The following TAFA1 variants were observed in gnomAD, a reference collection of about 807,000 sequenced individuals.
TAFA1 encodes TAFA chemokine like family member 1.
In TAFA1, 4 loss-of-function variants were observed where a neutral mutation model predicts 18.5. The observed-to-expected ratio is 0.22, with a 90% CI of 0.11 to 0.49. The LOEUF (loss-of-function observed/expected upper bound fraction) is 0.49. TAFA1 is among the 20% of genes least tolerant of loss of function. The probability of loss-of-function intolerance (pLI) is 0.98; values close to 1 mark genes in which losing one functional copy is unlikely to be tolerated. For missense variants in TAFA1, 147 were observed against 169.0 expected (o/e 0.87, Z 0.72); for synonymous variants, 56 against 55.2 (o/e 1.01, Z -0.06).
intron 2 of TAFA1, among the ~76,000 whole-genome samples, chr3:68,281,033 G>A (rs2067889032): frequency 6.6e-6 from 1 of 152,048 alleles, no homozygotes; most frequent in African/African-American, 2.4e-5. Context: ...ATGATGGTAT[G>A]CAACTTATTT....
chr3:68,382,013 CCTTT>C (rs953993661), intron 2 of TAFA1, among the ~76,000 whole-genome samples: 1 of 152,130 alleles, frequency 6.6e-6, no homozygotes, highest in Non-Finnish European at 1.5e-5. Context: ...GCCTTTTCTG[CCTTT>C]CTATCTCTAT....
intron 2 of TAFA1, among the ~76,000 whole-genome samples, chr3:68,034,377 C>G (rs1348442507): frequency 6.6e-6 from 1 of 152,148 alleles, no homozygotes; most frequent in African/African-American, 2.4e-5. Context: ...CACCATAAAC[C>G]TATAATGTAC....
rs141551345 is a variant in TAFA1 at position 68,027,482 on chromosome 3, G to A, written c.118+20738G>A. On this transcript the variant is annotated intron_variant, in intron 2 of 4. Coordinates refer to ENST00000478136, the MANE Select transcript of TAFA1 (RefSeq NM_213609.4). ...TGTCATTGGAAATGGCTCAGCTGTG[G>A]CCTAAGACATGACTGGCATTTGTGG... 5.7e-4 allele frequency among the ~76,000 whole-genome samples: 87 copies of A among 152,152 alleles called. No individual in the cohort carries two copies. The East Asian group carries it at 0.016, about 29-fold the overall frequency.
At position 68,094,311 on chromosome 3, in the gene TAFA1, A is replaced by C. The variant is rs145251907; in HGVS notation, c.118+87567A>C. Among the ~76,000 whole-genome samples the C allele has an allele frequency of 3.3e-4, 50 of 152,158 alleles. No homozygotes were observed. In the East Asian group the frequency reaches 8.9e-3, roughly 27 times the overall value. On this transcript the variant is annotated intron_variant, in intron 2 of 4. Transcript: ENST00000478136. The stretch of plus-strand genomic sequence containing the variant: ...AGAATCCTTCTCTGGCATCCTAAGT[A>C]ATCTGTTTATTTATTGACTTTGTTA...
intron 2 of TAFA1, among the ~76,000 whole-genome samples, chr3:68,127,786 G>A (rs1287409055): frequency 9.7e-5 from 13 of 134,136 alleles, no homozygotes; most frequent in African/African-American, 3.6e-4. Flanking sequence ...GATGGTGGTG[G>A]TGGTGATGCT....
chr3:68,442,118 A>G (rs1479580433), intron 3 of TAFA1, among the ~76,000 whole-genome samples: 2 of 152,032 alleles, frequency 1.3e-5, no homozygotes, highest in Non-Finnish European at 2.9e-5. Flanking sequence ...CATGATCACC[A>G]CCACCCCACT....
At chr3:68,345,808 T>C (rs1380126421) in intron 2 of TAFA1, among the ~76,000 whole-genome samples, 1 of 152,200 alleles carries the variant, frequency 6.6e-6, no homozygotes, top group Non-Finnish European at 1.5e-5. Context: ...ATTTATACCA[T>C]ATTTTTTGAG....
chr3:68,013,593 A>G (rs1379316618), intron 2 of TAFA1, among the ~76,000 whole-genome samples: 1 of 152,162 alleles, frequency 6.6e-6, no homozygotes, highest in Non-Finnish European at 1.5e-5. Flanking sequence ...TTTACTTTCC[A>G]AATCTTTTGA....
At chr3:68,476,181 A>T (rs1431065753) in intron 3 of TAFA1, among the ~76,000 whole-genome samples, 2 of 152,232 alleles carry the variant, frequency 1.3e-5, no homozygotes, top group Admixed American at 6.5e-5. Flanking sequence ...GATCTAATTA[A>T]ACTAAAGAGC....
chr3:68,050,576 C>T (rs922456703), intron 2 of TAFA1, among the ~76,000 whole-genome samples: 20 of 152,208 alleles, frequency 1.3e-4, no homozygotes, highest in Middle Eastern at 3.4e-3. Flanking sequence ...TAAGCCCTAC[C>T]TTTGTGCTGG....
At chr3:68,292,622 G>T (rs989521960) in intron 2 of TAFA1, among the ~76,000 whole-genome samples, 3 of 152,116 alleles carry the variant, frequency 2.0e-5, no homozygotes, top group Non-Finnish European at 2.9e-5. Flanking sequence ...GAATTCCTGG[G>T]CTCAAGTGAT....
At chr3:68,346,274 A>G (rs904245021) in intron 2 of TAFA1, among the ~76,000 whole-genome samples, 2 of 152,084 alleles carry the variant, frequency 1.3e-5, no homozygotes, top group South Asian at 4.1e-4. Context: ...CTCCCACCTC[A>G]GCCTCTCTTG....
intron 2 of TAFA1, among the ~76,000 whole-genome samples, chr3:68,047,121 G>A (rs1321285578): frequency 4.6e-5 from 7 of 152,150 alleles, no homozygotes; most frequent in Non-Finnish European, 8.8e-5. Context: ...GGGTAGGCAA[G>A]CTACAGATGC....
rs192735156 is a variant in TAFA1, at chr3:68,424,536, A to G, written c.259+7116A>G. On this transcript the variant is annotated intron_variant, in intron 3 of 4. Transcript: ENST00000478136. ...TGGCATTATATGAGATTCTAGAACA[A>G]GAACTTCTGCAAAAATTCCTTCTGG... 1.2e-3 allele frequency among the ~76,000 whole-genome samples: 182 copies of G among 152,118 alleles called. 1 individual carries two copies. Among genetic ancestry groups the G allele is most frequent in the Middle Eastern group, 3.4e-3 (1 of 294 alleles).
chr3:68,456,601 A>G (rs1205146192), intron 3 of TAFA1, among the ~76,000 whole-genome samples: 1 of 152,194 alleles, frequency 6.6e-6, no homozygotes, highest in African/African-American at 2.4e-5. Flanking sequence ...CTTTTGTTTT[A>G]CGCTGTCAGG....
chr3:68,066,639 C>T (rs768861469), intron 2 of TAFA1, among the ~76,000 whole-genome samples: 7 of 152,134 alleles, frequency 4.6e-5, no homozygotes, highest in Non-Finnish European at 7.3e-5. Flanking sequence ...GGTTGAGATA[C>T]AGTAGATTAG....
chr3:68,115,800 T>A (rs771625324), intron 2 of TAFA1, among the ~76,000 whole-genome samples: 4 of 152,224 alleles, frequency 2.6e-5, no homozygotes, highest in African/African-American at 4.8e-5. Context: ...TGATTGTTTA[T>A]CTAATTCAAA....
At chr3:68,041,554 T>C (rs1705165500) in intron 2 of TAFA1, among the ~76,000 whole-genome samples, 1 of 152,142 alleles carries the variant, frequency 6.6e-6, no homozygotes, top group Non-Finnish European at 1.5e-5. Context: ...GTTGAAAAGG[T>C]TTGGAAACTA....
chr3:68,119,133 A>G (rs2065357807), intron 2 of TAFA1, among the ~76,000 whole-genome samples: 2 of 151,922 alleles, frequency 1.3e-5, no homozygotes, highest in African/African-American at 4.8e-5. Flanking sequence ...GATTACTAAC[A>G]TTGAGCATCT....
Sources: gnomAD v4.1 joint callset for allele counts (sites outside exome capture counted in the v4.1 genomes callset) on GRCh38, gnomAD v4.1.1 for gene constraint, MANE v1.5 for transcripts, NCBI Gene and HGNC (gene_info 2026-07-23, HGNC 2026-07-21) for gene names.